TTPA: variants seen among roughly 807,000 people sequenced by gnomAD.
The protein encoded by TTPA is alpha tocopherol transfer protein.
A neutral mutation model predicts 25.9 loss-of-function variants in TTPA; 23 were observed. The observed-to-expected ratio is 0.89, with a 90% CI of 0.64 to 1.26. The LOEUF (loss-of-function observed/expected upper bound fraction) is 1.26. Among genes scored for constraint, TTPA ranks in the 50% most tolerant of loss-of-function variants. The probability of loss-of-function intolerance (pLI) is 0.00; values close to 1 mark genes in which losing one functional copy is unlikely to be tolerated. For synonymous variants in TTPA, 148 were observed against 137.3 expected (o/e 1.08, Z -0.54); for missense variants, 337 against 353.1 (o/e 0.95, Z 0.37).
intron 3 of TTPA, among the ~76,000 whole-genome samples, chr8:63,065,165 G>A (rs1406713364): frequency 6.6e-6 from 1 of 152,116 alleles, no homozygotes; most frequent in East Asian, 1.9e-4. Context: ...TGAAATTGAT[G>A]CTGCAGTAAC....
Position 63,083,231 on chromosome 8 carries a change from C to T in TTPA, c.204+2587G>A, listed in dbSNP as rs180829775. On this transcript the variant is annotated intron_variant, in intron 1 of 4. Transcript: ENST00000260116. ...TATTCACAATAGCAAAGACTTGGAA[C>T]CAACCCAAATGTCCATCAATGATAG... Among the ~76,000 whole-genome samples, 185 of 152,286 alleles carry T rather than the reference C, an allele frequency of 1.2e-3. No individual in the cohort carries two copies. In the Middle Eastern group the frequency reaches 0.017, roughly 14 times the overall value.
At chr8:63,071,661 C>T (rs973037906) in intron 2 of TTPA, among the ~76,000 whole-genome samples, 2 of 152,098 alleles carry the variant, frequency 1.3e-5, no homozygotes, top group Admixed American at 6.6e-5. Flanking sequence ...GAGGTGGGCC[C>T]TTTGCAAGAT....
At chr8:63,061,504 A>AGGAC in intron 4 of TTPA, 79 bp from the exon 5 acceptor site, 1 of 1,307,954 alleles carries the variant, frequency 7.6e-7, no homozygotes, top group Admixed American at 1.8e-5. Context: ...AAAACAAGGT[A>AGGAC]TTCTAATAAC....
At chr8:63,085,014 A>G (rs954770541) in intron 1 of TTPA, among the ~76,000 whole-genome samples, 2 of 152,222 alleles carry the variant, frequency 1.3e-5, no homozygotes, top group Non-Finnish European at 2.9e-5. Flanking sequence ...AAAGGGCTAG[A>G]TCTGGTCGAA....
chr8:63,083,504 G>A (rs990459997), intron 1 of TTPA, among the ~76,000 whole-genome samples: 1 of 152,078 alleles, frequency 6.6e-6, no homozygotes, highest in African/African-American at 2.4e-5. Context: ...TGAGCTGGGG[G>A]AGGGATAGCA....
chr8:63,059,226 G>A (rs1805259895), downstream of TTPA, among the ~76,000 whole-genome samples: 1 of 139,782 alleles, frequency 7.2e-6, no homozygotes, highest in South Asian at 2.3e-4. Flanking sequence ...TAGAGACGGG[G>A]TTTCACCGTT....
At chr8:63,059,027 T>G (rs867160086), downstream of TTPA, among the ~76,000 whole-genome samples, 233 of 100,002 alleles carry the variant, frequency 2.3e-3, no homozygotes, top group African/African-American at 8.4e-3. Context: ...CCAGTTTTTT[T>G]TTTTTTTTTT....
intron 1 of TTPA, among the ~76,000 whole-genome samples, chr8:63,084,637 C>A (rs1259625289): frequency 1.3e-5 from 2 of 152,162 alleles, no homozygotes; most frequent in Non-Finnish European, 2.9e-5. Context: ...CAACCTCTGG[C>A]TGTTTAAAAA....
chr8:63,086,049 T>C lies in TTPA; in HGVS notation c.-28A>G. On this transcript the variant is annotated 5_prime_UTR_variant, in exon 1 of 5. Coordinates refer to ENST00000260116, the MANE Select transcript of TTPA (RefSeq NM_000370.3). ...CCGCCGCCGCTGCTGCGGCCGCAGC[T>C]ACCCGGGCACCCGGGAAAAGCGCGC... 1 of 1,391,640 alleles carries C rather than the reference T, an allele frequency of 7.2e-7. No individual in the cohort carries two copies. The highest frequency in any genetic ancestry group is 1.5e-5 in the South Asian group (1 of 64,866). The allele number at this position is 1,391,640 out of a possible 1,614,324, so 86.2% of individuals were successfully genotyped here. A position where few individuals can be genotyped will look rare whatever the true frequency, so the allele number is the denominator to read the frequency against.
chr8:63,083,946 A>T (rs1805704802), intron 1 of TTPA, among the ~76,000 whole-genome samples: 1 of 150,576 alleles, frequency 6.6e-6, no homozygotes, highest in African/African-American at 2.4e-5. Flanking sequence ...GTGCAGTAGC[A>T]CAATCTCGGC....
At chr8:63,082,816 A>G (rs1472726133) in intron 1 of TTPA, among the ~76,000 whole-genome samples, 1 of 152,202 alleles carries the variant, frequency 6.6e-6, no homozygotes, top group Non-Finnish European at 1.5e-5. Context: ...CCCATCAAAA[A>G]GTGGGTGAAG....
chr8:63,078,553 G>A (rs1231732518), intron 1 of TTPA, among the ~76,000 whole-genome samples: 5 of 152,182 alleles, frequency 3.3e-5, no homozygotes, highest in African/African-American at 9.6e-5. Context: ...ACAAGCTTCA[G>A]TAGCTGATTC....
At chr8:63,085,706 G>A (rs1805737914) in intron 1 of TTPA, 112 bp downstream of exon 1, 1 of 1,336,176 alleles carries the variant, frequency 7.5e-7, no homozygotes, top group Non-Finnish European at 1.0e-6. Context: ...TTACCCGCCA[G>A]GGTCCTGCCT....
rs777536431 is a variant in TTPA, at chr8:63,065,993, T to G, written c.463A>C (p.Lys155Gln). 2.5e-6 allele frequency: 4 copies of G among 1,614,126 alleles called. No homozygotes were observed. Among genetic ancestry groups the G allele is most frequent in the Middle Eastern group, 1.7e-4 (1 of 6,060 alleles). ...QEVETQRNGI[K>Q]AIFDLEGWQF... ...CAACCTTCCAGATCAAAGATAGCCT[T>G]GATTCCATTCCGCTGAGTTTCTACC... The change falls in exon 3 of 5, where the codon AAG (lysine) becomes CAG (glutamine). Residue 155 changes from lysine to glutamine, a missense_variant. By Grantham distance (53) the Lys-to-Gln change is moderately conservative (BLOSUM62 1). Transcript: ENST00000260116.
At position 63,060,492 on chromosome 8, in the gene TTPA, C is replaced by T. The variant is rs1159931348; in HGVS notation, c.*760G>A. ...CAGGACTCTGGGAGGCCGAAGCAGG[C>T]AAATTACTTGAGTTCAGGAGTTTGA... On this transcript the variant is annotated 3_prime_UTR_variant, in exon 5 of 5. Coordinates refer to ENST00000260116, the MANE Select transcript of TTPA (RefSeq NM_000370.3). The T allele has an allele frequency of 6.6e-6, 1 of 152,094 alleles. No homozygotes were observed. The highest frequency in any genetic ancestry group is 1.5e-5 in the Non-Finnish European group (1 of 68,066). 9.4% of individuals were successfully genotyped at this position (152,094 alleles called of 1,614,324 possible).
chr8:63,071,312 C>A (rs1334616035), intron 2 of TTPA, among the ~76,000 whole-genome samples: 1 of 152,138 alleles, frequency 6.6e-6, no homozygotes, highest in Non-Finnish European at 1.5e-5. Context: ...TAACTTCTTG[C>A]AGTATGGCAA....
At chr8:63,071,146 A>G (rs949336109) in intron 2 of TTPA, among the ~76,000 whole-genome samples, 2 of 152,196 alleles carry the variant, frequency 1.3e-5, no homozygotes, top group African/African-American at 4.8e-5. Context: ...TGGTGCAGCA[A>G]TGAAAGAACA....
chr8:63,077,499 G>C (rs1805582586), intron 1 of TTPA, among the ~76,000 whole-genome samples: 2 of 152,238 alleles, frequency 1.3e-5, no homozygotes, highest in Non-Finnish European at 2.9e-5. Flanking sequence ...GGCACACAAG[G>C]AGATTCTCTC....
At chr8:63,066,664 C>G (rs890862215) in intron 2 of TTPA, among the ~76,000 whole-genome samples, 10 of 152,142 alleles carry the variant, frequency 6.6e-5, no homozygotes, top group Non-Finnish European at 1.2e-4. Context: ...CAGGGAGTAC[C>G]TGTGCTAAGA....
Sources: gnomAD v4.1 joint callset for allele counts (sites outside exome capture counted in the v4.1 genomes callset) on GRCh38, gnomAD v4.1.1 for gene constraint, MANE v1.5 for transcripts, NCBI Gene and HGNC (gene_info 2026-07-23, HGNC 2026-07-21) for gene names.